Variants in NECAB1 observed in about 807,000 individuals in gnomAD.
NECAB1 encodes N-terminal EF-hand calcium-binding protein 1.
Under a neutral mutation model 57.5 loss-of-function variants are expected in NECAB1, and 29 were observed. That is an observed-to-expected ratio of 0.50 (90% confidence interval 0.38 to 0.69). The LOEUF (loss-of-function observed/expected upper bound fraction) is 0.69. Among genes scored for constraint, NECAB1 ranks in the 30% least tolerant of loss-of-function variants. NECAB1 has a pLI of 0.00. For synonymous variants in NECAB1, 142 were observed against 147.7 expected (o/e 0.96, Z 0.28); for missense variants, 372 against 413.8 (o/e 0.90, Z 0.88).
intron 8 of NECAB1, among the ~76,000 whole-genome samples, chr8:90,933,691 C>T (rs1392284897): frequency 6.6e-6 from 1 of 151,652 alleles, no homozygotes; most frequent in Non-Finnish European, 1.5e-5. Context: ...CTTACCTGTA[C>T]AAGCAAATAC....
chr8:90,897,305 CTT>C (rs1202083966), intron 5 of NECAB1, among the ~76,000 whole-genome samples: 1 of 152,158 alleles, frequency 6.6e-6, no homozygotes, highest in Admixed American at 6.5e-5. Flanking sequence ...GTTTGGTAAA[CTT>C]AGCACCAAAG....
intron 3 of NECAB1, among the ~76,000 whole-genome samples, chr8:90,837,480 A>G (rs1362657285): frequency 2.0e-5 from 3 of 152,236 alleles, no homozygotes; most frequent in Non-Finnish European, 2.9e-5. Context: ...TGAGCAATTT[A>G]AAATTTATGA....
Position 90,924,735 on chromosome 8 carries a change from G to A in NECAB1, c.495-800G>A, listed in dbSNP as rs1476179725. Among the ~76,000 whole-genome samples, 26 of 152,194 alleles carry A rather than the reference G, an allele frequency of 1.7e-4. No homozygotes were observed. The South Asian group carries it at 5.4e-3, about 32-fold the overall frequency. On this transcript the variant is annotated intron_variant, in intron 6 of 12. Transcript: ENST00000417640. ...AAGAAGATTAAGGAAAGACAAAAGG[G>A]ATCCCTTCTAGCTGAATCTGTACTT... is the stretch of plus-strand genomic sequence containing the variant.
chr8:90,888,830 C>T (rs1032205216), intron 5 of NECAB1, among the ~76,000 whole-genome samples: 1 of 152,186 alleles, frequency 6.6e-6, no homozygotes, highest in African/African-American at 2.4e-5. Flanking sequence ...TGATTTATCC[C>T]GTGACCTGTC....
At chr8:90,792,029 T>C (rs1303826157) in intron 1 of NECAB1, 44 bp downstream of exon 1, 2 of 1,475,264 alleles carry the variant, frequency 1.4e-6, no homozygotes, top group Non-Finnish European at 1.9e-6. Context: ...TCCCAGCACC[T>C]TTCTTTTCCC....
intron 1 of NECAB1, among the ~76,000 whole-genome samples, chr8:90,796,662 A>G (rs879650683): frequency 1.3e-5 from 2 of 152,320 alleles, no homozygotes; most frequent in Admixed American, 6.5e-5. Flanking sequence ...AAGCCTGACC[A>G]TAATATTTAA....
intron 3 of NECAB1, among the ~76,000 whole-genome samples, chr8:90,856,247 C>G (rs150347442): frequency 6.6e-6 from 1 of 152,270 alleles, no homozygotes; most frequent in Non-Finnish European, 1.5e-5. Flanking sequence ...GGTTTCCAAT[C>G]TACTGACTTC....
At chr8:90,904,634 G>A (rs965901245) in intron 5 of NECAB1, among the ~76,000 whole-genome samples, 1 of 151,530 alleles carries the variant, frequency 6.6e-6, no homozygotes, top group Admixed American at 6.6e-5. Context: ...AGATTGAGTG[G>A]GAAGGTCCAA....
intron 5 of NECAB1, among the ~76,000 whole-genome samples, chr8:90,883,403 A>C (rs150306369): frequency 2.9e-3 from 447 of 152,322 alleles, no homozygotes; most frequent in Non-Finnish European, 4.6e-3. Flanking sequence ...TGGACCCTTC[A>C]GAATGAGAAA....
intron 1 of NECAB1, among the ~76,000 whole-genome samples, chr8:90,794,925 T>C (rs1484875190): frequency 1.3e-5 from 2 of 152,188 alleles, no homozygotes; most frequent in Non-Finnish European, 2.9e-5. Flanking sequence ...TCATAAATAC[T>C]CTTGAATACT....
chr8:90,868,356 G>A (rs199774311), intron 3 of NECAB1, among the ~76,000 whole-genome samples: 1 of 152,140 alleles, frequency 6.6e-6, no homozygotes, highest in South Asian at 2.1e-4. Context: ...GCTGAGTAAC[G>A]GGCAGAGGTT....
chr8:90,935,645 A>C (rs1167984665), intron 9 of NECAB1, among the ~76,000 whole-genome samples: 1 of 152,164 alleles, frequency 6.6e-6, no homozygotes, highest in African/African-American at 2.4e-5. Flanking sequence ...CAAAGGAAAA[A>C]CAAATATAAC....
chr8:90,929,205 A>T (rs1810349260), intron 8 of NECAB1, among the ~76,000 whole-genome samples: 1 of 152,198 alleles, frequency 6.6e-6, no homozygotes, highest in African/African-American at 2.4e-5. Flanking sequence ...AAAGGAATGG[A>T]TCAGATGTTA....
chr8:90,819,100 G>A (rs978879129), intron 2 of NECAB1, among the ~76,000 whole-genome samples: 2 of 152,036 alleles, frequency 1.3e-5, no homozygotes, highest in African/African-American at 4.8e-5. Flanking sequence ...AAGCCCAACA[G>A]AGGTATTCTT....
chr8:90,857,681 T>A (rs1489884321), intron 3 of NECAB1, among the ~76,000 whole-genome samples: 1 of 152,170 alleles, frequency 6.6e-6, no homozygotes, highest in East Asian at 1.9e-4. Flanking sequence ...CATTTTAACC[T>A]TGGTACCAAG....
chr8:90,925,428 T>C (rs1464424435), intron 6 of NECAB1, 107 bp from the exon 7 acceptor site: 16 of 1,286,180 alleles, frequency 1.2e-5, no homozygotes, highest in Non-Finnish European at 1.6e-5. Context: ...TAAGTTTTCA[T>C]TTTGCTGCAC....
intron 3 of NECAB1, among the ~76,000 whole-genome samples, chr8:90,861,699 G>A (rs1232894985): frequency 6.6e-6 from 1 of 152,086 alleles, no homozygotes; most frequent in Non-Finnish European, 1.5e-5. Flanking sequence ...TAGGTTATTC[G>A]ATCTTCACAA....
intron 10 of NECAB1, among the ~76,000 whole-genome samples, chr8:90,948,723 A>G (rs1371399301): frequency 1.3e-5 from 2 of 152,124 alleles, no homozygotes; most frequent in East Asian, 1.9e-4. Context: ...ATCTGTCTCT[A>G]TTGTTTCAAA....
intron 8 of NECAB1, among the ~76,000 whole-genome samples, chr8:90,928,800 A>T (rs758766337): frequency 1.6e-4 from 25 of 152,210 alleles, no homozygotes; most frequent in Non-Finnish European, 2.9e-4. Context: ...TGCTATTAAA[A>T]CTATCTAAGC....
Sources: gnomAD v4.1 joint callset for allele counts (sites outside exome capture counted in the v4.1 genomes callset) on GRCh38, gnomAD v4.1.1 for gene constraint, MANE v1.5 for transcripts, NCBI Gene and HGNC (gene_info 2026-07-23, HGNC 2026-07-21) for gene names.